KCTD16: variants seen among roughly 807,000 people sequenced by gnomAD.
KCTD16 encodes the protein potassium channel tetramerization domain containing 16.
KCTD16 carries 13 observed loss-of-function variants against 33.2 expected under a neutral mutation model. The observed-to-expected ratio is 0.39, with a 90% CI of 0.25 to 0.62. The LOEUF is 0.62. Ranked by LOEUF, KCTD16 falls within the 20% of genes least tolerant of loss-of-function variation. The pLI, the probability that KCTD16 is intolerant of heterozygous loss-of-function variation, is 0.50. For missense variants in KCTD16, 441 were observed against 525.1 expected, an observed-to-expected ratio of 0.84 and a Z score of 1.57; for synonymous variants, 197 against 195.3, an observed-to-expected ratio of 1.01 and a Z score of -0.07.
At chr5:144,468,469 A>C (rs1754397474) in intron 3 of KCTD16, among the ~76,000 whole-genome samples, 1 of 152,290 alleles carries the variant, frequency 6.6e-6, no homozygotes, top group South Asian at 2.1e-4. Context: ...CCCCTCCAAG[A>C]CCAACTGCTC....
intron 3 of KCTD16, among the ~76,000 whole-genome samples, chr5:144,337,204 C>T (rs1487568082): frequency 4.0e-5 from 6 of 151,624 alleles, no homozygotes; most frequent in Non-Finnish European, 8.8e-5. Flanking sequence ...GGCATTTTTG[C>T]GTTGCGTGCT....
rs1754733206 is a variant in KCTD16, at chr5:144,482,887, T to C, written c.*8773T>C. 6.6e-6 allele frequency: 1 copy of C among 151,788 alleles called. No homozygotes were observed. Among genetic ancestry groups the C allele is most frequent in the African/African-American group, 2.4e-5 (1 of 41,380 alleles). The allele number at this position is 151,788 out of a possible 1,614,324, so 9.4% of individuals were successfully genotyped here. ...TGGAATTTTCAGTTTGGAGAACTTATTATTATTACAATTTATATTTGGTTT... is the reference window on the plus strand; with the variant it reads ...TGGAATTTTCAGTTTGGAGAACTTACTATTATTACAATTTATATTTGGTTT... On this transcript the variant is annotated 3_prime_UTR_variant, in exon 4 of 4. Transcript: ENST00000512467.
chr5:144,219,333 C>G (rs955450144), intron 3 of KCTD16, among the ~76,000 whole-genome samples: 3 of 152,090 alleles, frequency 2.0e-5, no homozygotes, highest in African/African-American at 7.2e-5. Context: ...CCTGCCTCAG[C>G]CTCCCGTGTA....
rs144755242 is a variant in KCTD16 at position 144,208,188 on chromosome 5, A to C, written c.832+642A>C. On this transcript the variant is annotated intron_variant, in intron 3 of 3. Transcript: ENST00000512467. Reference sequence around the variant, plus strand: ...TGCAGACTTAATTAAGCTGAACTTCATTTAAGATCTATGTAAAAGGAACTA... The same window carrying C: ...TGCAGACTTAATTAAGCTGAACTTCCTTTAAGATCTATGTAAAAGGAACTA... Among the ~76,000 whole-genome samples the C allele has an allele frequency of 3.7e-3, 561 of 152,364 alleles. 3 individuals are homozygous for C. Among genetic ancestry groups the C allele is most frequent in the Admixed American group, 0.019 (288 of 15,310 alleles).
At chr5:144,243,574 T>A (rs1754462390) in intron 3 of KCTD16, among the ~76,000 whole-genome samples, 1 of 152,160 alleles carries the variant, frequency 6.6e-6, no homozygotes. Flanking sequence ...AGACATTTAT[T>A]TGAAAAAACT....
intron 3 of KCTD16, among the ~76,000 whole-genome samples, chr5:144,339,636 C>T (rs1490338395): frequency 1.3e-5 from 2 of 152,134 alleles, no homozygotes; most frequent in East Asian, 1.9e-4. Context: ...TGGTCTAGTG[C>T]CTCAAGGAAT....
At chr5:144,208,407 A>C (rs1753258222) in intron 3 of KCTD16, among the ~76,000 whole-genome samples, 1 of 152,238 alleles carries the variant, frequency 6.6e-6, no homozygotes, top group Non-Finnish European at 1.5e-5. Context: ...ATGATATGGC[A>C]TTATTCTAAA....
At position 144,356,397 on chromosome 5, in the gene KCTD16, A is replaced by T. The variant is rs79138040; in HGVS notation, c.833-117263A>T. ...CTTTAATCTCCTTTGTATATTTGCA[A>T]TATAACAAATGGTCTTCAGTTTTTT... On this transcript the variant is annotated intron_variant, in intron 3 of 3. Coordinates refer to ENST00000512467, the MANE Select transcript of KCTD16 (RefSeq NM_020768.4). Among the ~76,000 whole-genome samples the T allele has an allele frequency of 8.5e-3, 1,292 of 152,248 alleles. 18 individuals are homozygous for T. The highest frequency in any genetic ancestry group is 0.03 in the African/African-American group (1,230 of 41,536).
At chr5:144,421,959 T>G (rs1753222165) in intron 3 of KCTD16, among the ~76,000 whole-genome samples, 1 of 152,148 alleles carries the variant, frequency 6.6e-6, no homozygotes, top group Non-Finnish European at 1.5e-5. Flanking sequence ...ATAAAGGCCC[T>G]AGATAGGAAA....
intron 3 of KCTD16, among the ~76,000 whole-genome samples, chr5:144,436,148 T>C (rs1753571746): frequency 6.6e-6 from 1 of 152,188 alleles, no homozygotes; most frequent in Non-Finnish European, 1.5e-5. Flanking sequence ...GCTGTCCAAG[T>C]CTCAATTCTT....
Position 144,479,260 on chromosome 5 carries a change from T to C in KCTD16, c.*5146T>C, listed in dbSNP as rs1267829436. 2.0e-5 allele frequency: 3 copies of C among 151,026 alleles called. No individual in the cohort carries two copies. The highest frequency in any genetic ancestry group is 6.6e-5 in the Admixed American group (1 of 15,046). The allele number at this position is 151,026 out of a possible 1,614,324, so 9.4% of individuals were successfully genotyped here. On this transcript the variant is annotated 3_prime_UTR_variant, in exon 4 of 4. Coordinates refer to ENST00000512467, the MANE Select transcript of KCTD16 (RefSeq NM_020768.4). ...CTGCGCCATTGAACTGCTAAATTTG[T>C]CCAATTTGACTCAATCAGGACTATG...
At chr5:144,237,201 C>T (rs1027215911) in intron 3 of KCTD16, among the ~76,000 whole-genome samples, 21 of 152,162 alleles carry the variant, frequency 1.4e-4, no homozygotes, top group African/African-American at 5.1e-4. Context: ...TCTATTTGCT[C>T]TTAACCTATG....
chr5:144,201,635 T>C (rs1753046784), intron 2 of KCTD16, among the ~76,000 whole-genome samples: 1 of 152,222 alleles, frequency 6.6e-6, no homozygotes, highest in Admixed American at 6.5e-5. Flanking sequence ...GGTCTTTTTA[T>C]TGCCACCATA....
rs193286442 is a variant in KCTD16 at position 144,205,724 on chromosome 5, C to T, written c.-326-665C>T. ...TGGGGAAGCTTTGGTTGAATATTTT[C>T]TCTGCTTTACTTCTTCAACCCAACC... On this transcript the variant is annotated intron_variant, in intron 2 of 3. Coordinates refer to ENST00000512467, the MANE Select transcript of KCTD16 (RefSeq NM_020768.4). The T allele has an allele frequency of 4.8e-3, 1,917 of 396,706 alleles. 10 individuals are homozygous for T. Among genetic ancestry groups the T allele is most frequent in the Middle Eastern group, 0.026 (41 of 1,588 alleles). 24.6% of individuals were successfully genotyped at this position (396,706 alleles called of 1,614,324 possible). A position where few individuals can be genotyped will look rare whatever the true frequency, so the allele number is the denominator to read the frequency against.
chr5:144,211,945 A>T (rs1753408907), intron 3 of KCTD16, among the ~76,000 whole-genome samples: 1 of 152,096 alleles, frequency 6.6e-6, no homozygotes, highest in Non-Finnish European at 1.5e-5. Context: ...ATCAGGAAAA[A>T]TTCTGCTCTG....
At chr5:144,189,829 T>C (rs1281817934) in intron 2 of KCTD16, among the ~76,000 whole-genome samples, 1 of 152,184 alleles carries the variant, frequency 6.6e-6, no homozygotes, top group Non-Finnish European at 1.5e-5. Flanking sequence ...TGAAGGTAGT[T>C]AAGGTAGACT....
At chr5:144,334,912 G>A (rs1379192262) in intron 3 of KCTD16, among the ~76,000 whole-genome samples, 1 of 151,994 alleles carries the variant, frequency 6.6e-6, no homozygotes, top group Non-Finnish European at 1.5e-5. Context: ...TAGTCACTGG[G>A]ACTACCGGCA....
At chr5:144,309,439 T>C (rs967316815) in intron 3 of KCTD16, among the ~76,000 whole-genome samples, 4 of 151,626 alleles carry the variant, frequency 2.6e-5, no homozygotes, top group Non-Finnish European at 5.9e-5. Context: ...ACTCAGGCGG[T>C]GCAAAATGAG....
chr5:144,204,451 C>T (rs1477302750), intron 2 of KCTD16, among the ~76,000 whole-genome samples: 2 of 152,130 alleles, frequency 1.3e-5, no homozygotes, highest in Non-Finnish European at 2.9e-5. Flanking sequence ...GATTAGGTTG[C>T]CCTGGAAATG....
Sources: gnomAD v4.1 joint callset for allele counts (sites outside exome capture counted in the v4.1 genomes callset) on GRCh38, gnomAD v4.1.1 for gene constraint, MANE v1.5 for transcripts, NCBI Gene and HGNC (gene_info 2026-07-23, HGNC 2026-07-21) for gene names.